CALU: variants seen among roughly 807,000 people sequenced by gnomAD.
CALU encodes the protein IEF SSP 9302.
In CALU, 13 loss-of-function variants were observed where a neutral mutation model predicts 37.5. The observed-to-expected ratio is 0.35, with a 90% confidence interval of 0.23 to 0.55. The LOEUF (loss-of-function observed/expected upper bound fraction) is 0.55. CALU is among the 20% of genes least tolerant of loss of function. CALU has a pLI of 0.89. For synonymous variants in CALU, 114 were observed against 133.8 expected (o/e 0.85, Z 1.02); for missense variants, 282 against 391.7 (o/e 0.72, Z 2.36).
chr7:128,750,509 T>C (rs339046), intron 2 of CALU, among the ~76,000 whole-genome samples: 70,376 of 152,026 alleles, frequency 0.46, 16,684 homozygotes, highest in Non-Finnish European at 0.49. Flanking sequence ...TTGTCACATA[T>C]GCAGATTCTG....
Position 128,739,419 on chromosome 7 carries a change from G to A in CALU, c.-25G>A, listed in dbSNP as rs1800140495. On this transcript the variant is annotated 5_prime_UTR_variant, in exon 1 of 7. Transcript: ENST00000249364. Reference sequence around the variant, plus strand: ...CGGCCACGGCATCCTGTGCTGTGGGGGCTACGAGGAAAGGTAAGTACGGTG... The same window carrying A: ...CGGCCACGGCATCCTGTGCTGTGGGAGCTACGAGGAAAGGTAAGTACGGTG... 6.6e-6 allele frequency: 1 copy of A among 152,492 alleles called. No homozygotes were observed. The highest frequency in any genetic ancestry group is 2.4e-5 in the African/African-American group (1 of 41,466). 9.4% of individuals were successfully genotyped at this position (152,492 alleles called of 1,614,324 possible). A position where few individuals can be genotyped will look rare whatever the true frequency, so the allele number is the denominator to read the frequency against.
intron 2 of CALU, among the ~76,000 whole-genome samples, chr7:128,749,978 G>C (rs920540201): frequency 6.6e-6 from 1 of 152,112 alleles, no homozygotes; most frequent in Non-Finnish European, 1.5e-5. Context: ...TGTAATCCCA[G>C]CACCTTGGGA....
Position 128,744,711 on chromosome 7 carries a change from GA to G in CALU, c.-11-3859del, listed in dbSNP as rs1324348285. 2.0e-5 allele frequency among the ~76,000 whole-genome samples: 3 copies of G among 152,208 alleles called. No homozygotes were observed. The East Asian group carries it at 5.8e-4, about 29-fold the overall frequency. On this transcript the variant is annotated intron_variant, in intron 1 of 6. Transcript: ENST00000249364. ...AGCAGGGTAGAAACTGTGGGTGAGGGAAAGGGAGGAGCAAGCATGAAGGAAC... is the reference window on the plus strand; with the variant it reads ...AGCAGGGTAGAAACTGTGGGTGAGGGAAGGGAGGAGCAAGCATGAAGGAAC...
At chr7:128,755,848 T>C (rs1800862636) in intron 3 of CALU, among the ~76,000 whole-genome samples, 1 of 152,218 alleles carries the variant, frequency 6.6e-6, no homozygotes, top group South Asian at 2.1e-4. Context: ...ATCCTGGAAA[T>C]TAGGCAACCT....
At chr7:128,749,238 C>G (rs151235676) in intron 2 of CALU, among the ~76,000 whole-genome samples, 1 of 152,216 alleles carries the variant, frequency 6.6e-6, no homozygotes, top group Admixed American at 6.5e-5. Flanking sequence ...TATGATTTCC[C>G]GAGGTGTCCT....
At chr7:128,754,060 G>T (rs1321760818) in intron 2 of CALU, among the ~76,000 whole-genome samples, 2 of 152,192 alleles carry the variant, frequency 1.3e-5, no homozygotes, top group African/African-American at 4.8e-5. Flanking sequence ...GGATCCAAGT[G>T]CACCAGCCAT....
Position 128,767,454 on chromosome 7 carries a change from A to C in CALU, c.644-2A>C. On this transcript the variant is annotated splice_acceptor_variant, in intron 5 of 6. Transcript: ENST00000249364. LOFTEE classifies it high-confidence loss of function. ...CTTTTGTATGTATGTCTGTGTACCC[A>C]GGTGACATGTACAGCCATGATGGGA... 6.2e-7 allele frequency: 1 copy of C among 1,607,868 alleles called. No homozygotes were observed. The highest frequency in any genetic ancestry group is 8.5e-7 in the Non-Finnish European group (1 of 1,174,196).
chr7:128,763,497 C>T (rs1379559805), intron 5 of CALU, among the ~76,000 whole-genome samples: 1 of 152,168 alleles, frequency 6.6e-6, no homozygotes, highest in Non-Finnish European at 1.5e-5. Context: ...CGCCACTGCA[C>T]TCCAGCCTGG....
intron 5 of CALU, among the ~76,000 whole-genome samples, chr7:128,766,530 G>A (rs907833990): frequency 6.1e-5 from 9 of 148,686 alleles, no homozygotes; most frequent in African/African-American, 2.2e-4. Context: ...CTGGGTTCAA[G>A]TGATTCTTTT....
In CALU at chr7:128,770,230, G is replaced by C. The variant is rs1801506418; in HGVS notation, c.*1063G>C. The C allele has an allele frequency of 6.6e-6, 1 of 152,572 alleles. No homozygotes were observed. Among genetic ancestry groups the C allele is most frequent in the Non-Finnish European group, 1.5e-5 (1 of 68,040 alleles). The allele number at this position is 152,572 out of a possible 1,614,324, so 9.5% of individuals were successfully genotyped here. A position where few individuals can be genotyped will look rare whatever the true frequency, so the allele number is the denominator to read the frequency against. ...AAAAAGACTATTTGGATAACTTATA[G>C]GAAAGCCTAGAACCTCCCAGTAGAG... On this transcript the variant is annotated 3_prime_UTR_variant, in exon 7 of 7. Coordinates refer to ENST00000249364, the MANE Select transcript of CALU (RefSeq NM_001219.5).
At chr7:128,740,087 T>TA (rs1487549034) in intron 1 of CALU, among the ~76,000 whole-genome samples, 1 of 152,228 alleles carries the variant, frequency 6.6e-6, no homozygotes, top group Admixed American at 6.5e-5. Context: ...TAATTTTTGT[T>TA]ACGTTTTTTG....
chr7:128,739,666 G>A (rs1214959580), intron 1 of CALU, among the ~76,000 whole-genome samples: 5 of 152,140 alleles, frequency 3.3e-5, no homozygotes, highest in Non-Finnish European at 7.4e-5. Flanking sequence ...GGCTGGTCCG[G>A]TGGAACTCTG....
At position 128,758,975 on chromosome 7, in the gene CALU, G is replaced by A. The variant is rs936545777; in HGVS notation, c.520G>A (p.Glu174Lys). ...DKDGDLIATK[E>K]EFTAFLHPEE... is the part of the protein sequence containing the mutation. ...GGATGGAGACCTCATTGCCACCAAG[G>A]AGGAGTTCACAGCTTTCCTGCACCC... The change falls in exon 4 of 7, where the codon GAG becomes AAG. Residue 174 changes from glutamate to lysine, a missense_variant. By Grantham distance (56) the Glu-to-Lys change is moderately conservative. Transcript: ENST00000249364. 6.2e-7 allele frequency: 1 copy of A among 1,613,900 alleles called. No individual in the cohort carries two copies. The highest frequency in any genetic ancestry group is 8.5e-7 in the Non-Finnish European group (1 of 1,179,910).
In CALU at chr7:128,748,694, G is replaced by A; in HGVS notation, c.111G>A (p.Lys37=). The A allele has an allele frequency of 6.2e-7, 1 of 1,614,142 alleles. No individual in the cohort carries two copies. The highest frequency in any genetic ancestry group is 8.5e-7 in the Non-Finnish European group (1 of 1,180,002). Reference sequence around the variant, plus strand: ...ATCATGAGCCTCAGCTCAGTGACAAGGTTCACAATGATGCTCAGAGTTTTG... The same window carrying A: ...ATCATGAGCCTCAGCTCAGTGACAAAGTTCACAATGATGCTCAGAGTTTTG... ...RVHHEPQLSD[K]VHNDAQSFDY... Residue 37 remains lysine (K), a synonymous_variant, in exon 2 of 7, where the codon AAG becomes AAA. Transcript: ENST00000249364.
At chr7:128,753,754 A>G (rs1585008077) in intron 2 of CALU, among the ~76,000 whole-genome samples, 3 of 152,232 alleles carry the variant, frequency 2.0e-5, no homozygotes, top group Admixed American at 2.0e-4. Flanking sequence ...TTTTATCAAA[A>G]GTGTTACTTT....
In CALU at chr7:128,769,305, C is replaced by T. The variant is rs1801466984; in HGVS notation, c.*138C>T. On this transcript the variant is annotated 3_prime_UTR_variant, in exon 7 of 7. Transcript: ENST00000249364. ...AAGGCGTAATGAAAACCATCCCGTCCCCATTCCTCCTCCTCTCTGAGGGAC... is the reference window on the plus strand; with the variant it reads ...AAGGCGTAATGAAAACCATCCCGTCTCCATTCCTCCTCCTCTCTGAGGGAC... The T allele has an allele frequency of 7.2e-6, 4 of 554,960 alleles. No individual in the cohort carries two copies. The highest frequency in any genetic ancestry group is 1.3e-5 in the Non-Finnish European group (4 of 311,592). 34.4% of individuals were successfully genotyped at this position (554,960 alleles called of 1,614,324 possible).
chr7:128,750,894 A>G (rs1585005381), intron 2 of CALU, among the ~76,000 whole-genome samples: 1 of 152,226 alleles, frequency 6.6e-6, no homozygotes, highest in Non-Finnish European at 1.5e-5. Flanking sequence ...AATTCAATAT[A>G]CAAGTTTCAG....
chr7:128,750,955 T>TA (rs1304144154), intron 2 of CALU, among the ~76,000 whole-genome samples: 1 of 152,190 alleles, frequency 6.6e-6, no homozygotes, highest in Admixed American at 6.5e-5. Flanking sequence ...TATGTATCCT[T>TA]AAAATGAAGA....
At chr7:128,767,750 A>C in intron 6 of CALU, 95 bp downstream of exon 6, 1 of 1,042,626 alleles carries the variant, frequency 9.6e-7, no homozygotes, top group East Asian at 2.6e-5. Flanking sequence ...TAGAGCATTT[A>C]AGGTCTTAAT....
Sources: allele counts gnomAD v4.1 joint callset (sites outside exome capture counted in the v4.1 genomes callset), GRCh38; gene constraint gnomAD v4.1.1; transcripts MANE v1.5; gene names NCBI Gene and HGNC (gene_info 2026-07-23, HGNC 2026-07-21).